Variants in GARNL3 observed in about 807,000 individuals in gnomAD.
GARNL3 encodes the protein GTPase activating Rap/RanGAP domain like 3.
In GARNL3, 63 loss-of-function variants were observed where a neutral mutation model predicts 125.0. That is an observed-to-expected ratio of 0.50 (90% CI 0.41 to 0.62). The LOEUF (loss-of-function observed/expected upper bound fraction) is 0.62. GARNL3 is among the 20% of genes least tolerant of loss of function. The pLI is 0.00. For synonymous variants in GARNL3, 439 were observed against 457.5 expected, an observed-to-expected ratio of 0.96 and a Z score of 0.52; for missense variants, 994 against 1,244.0, an observed-to-expected ratio of 0.80 and a Z score of 3.02.
At chr9:127,257,091 G>A (rs779376211) in intron 2 of GARNL3, among the ~76,000 whole-genome samples, 69 of 152,294 alleles carry the variant, frequency 4.5e-4, no homozygotes, top group Non-Finnish European at 1.6e-4. Context: ...CCAAGTTGTT[G>A]GATACATTAG....
At chr9:127,361,201 C>T (rs1830977717) in intron 21 of GARNL3, among the ~76,000 whole-genome samples, 1 of 152,110 alleles carries the variant, frequency 6.6e-6, no homozygotes, top group Admixed American at 6.5e-5. Flanking sequence ...TTTTTACAAC[C>T]ACCATACATT....
chr9:127,283,645 G>A (rs922958524), intron 1 of GARNL3, among the ~76,000 whole-genome samples: 5 of 152,104 alleles, frequency 3.3e-5, no homozygotes, highest in Non-Finnish European at 7.4e-5. Flanking sequence ...ACCCCAGCTT[G>A]GGAGACAGAG....
chr9:127,322,097 G>A (rs758631632), intron 6 of GARNL3, among the ~76,000 whole-genome samples: 1 of 152,158 alleles, frequency 6.6e-6, no homozygotes, highest in Non-Finnish European at 1.5e-5. Context: ...TAAACTGTAA[G>A]CGACTTTAAG....
chr9:127,328,468 G>A (rs1829021195), intron 7 of GARNL3, among the ~76,000 whole-genome samples: 1 of 152,144 alleles, frequency 6.6e-6, no homozygotes, highest in Admixed American at 6.5e-5. Flanking sequence ...CTCCCGAAAG[G>A]TTAGCACTTT....
intron 1 of GARNL3, among the ~76,000 whole-genome samples, chr9:127,288,723 T>A (rs561472436): frequency 1.3e-5 from 2 of 152,206 alleles, no homozygotes; most frequent in Non-Finnish European, 2.9e-5. Context: ...TGTTCTAAAC[T>A]CAACAAATGA....
chr9:127,357,461 G>T, intron 21 of GARNL3, 84 bp downstream of exon 21: 1 of 1,336,826 alleles, frequency 7.5e-7, no homozygotes, highest in Non-Finnish European at 1.0e-6. Context: ...GCCATGATTT[G>T]GATTTCTTTA....
At chr9:127,357,506 G>A in intron 21 of GARNL3, 129 bp downstream of exon 21, 1 of 879,132 alleles carries the variant, frequency 1.1e-6, no homozygotes, top group Non-Finnish European at 1.7e-6. Flanking sequence ...AGTATTATGT[G>A]ATTCACTATT....
chr9:127,383,995 G>A (rs1037302719), intron 23 of GARNL3, among the ~76,000 whole-genome samples: 1 of 152,238 alleles, frequency 6.6e-6, no homozygotes, highest in Non-Finnish European at 1.5e-5. Flanking sequence ...GTCAGGACAT[G>A]AGCGGCGATG....
intron 1 of GARNL3, among the ~76,000 whole-genome samples, chr9:127,237,236 A>G (rs1418769862): frequency 1.3e-5 from 2 of 152,220 alleles, no homozygotes; most frequent in Non-Finnish European, 2.9e-5. Context: ...CTACAGACCC[A>G]TGCTGCCGAC....
At chr9:127,313,622 G>C in intron 4 of GARNL3, 63 bp downstream of exon 4, 1 of 1,069,758 alleles carries the variant, frequency 9.3e-7, no homozygotes, top group Non-Finnish European at 1.5e-6. Flanking sequence ...TAACCCCTGT[G>C]CTGTGGAACT....
chr9:127,315,663 T>TAA (rs368501115), intron 4 of GARNL3, among the ~76,000 whole-genome samples: 1 of 133,722 alleles, frequency 7.5e-6, no homozygotes, highest in Non-Finnish European at 1.6e-5. Flanking sequence ...GTAAGAAAGA[T>TAA]AAAAAAAAAA....
At chr9:127,225,806 C>CCTGGCGCCCGCGCCCCTCGCGCCCCTT (rs1285156773) in intron 1 of GARNL3, among the ~76,000 whole-genome samples, 2 of 3,304 alleles carry the variant, frequency 6.1e-4, no homozygotes, top group East Asian at 0.056. Context: ...CCGCGGCCCC[C>CCTGGCGCCCGCGCCCCTCGCGCCCCTT]GCGCCCCTCG....
At chr9:127,317,424 G>T (rs991326644) in intron 4 of GARNL3, among the ~76,000 whole-genome samples, 3 of 152,106 alleles carry the variant, frequency 2.0e-5, no homozygotes, top group Non-Finnish European at 4.4e-5. Context: ...TTGATGCTTG[G>T]CTCAGAGACC....
intron 4 of GARNL3, 42 bp downstream of exon 4, chr9:127,313,601 G>C: frequency 7.9e-7 from 1 of 1,266,078 alleles, no homozygotes; most frequent in Non-Finnish European, 1.2e-6. Context: ...TTATGCATCA[G>C]TTTCAGGAGA....
chr9:127,249,115 T>TG (rs2063355480), intron 2 of GARNL3, among the ~76,000 whole-genome samples: 1 of 88,022 alleles, frequency 1.1e-5, no homozygotes, highest in South Asian at 4.5e-4. Context: ...AAAAAGTGCT[T>TG]ACTATTTGTT....
intron 13 of GARNL3, among the ~76,000 whole-genome samples, chr9:127,341,961 A>G (rs1183032356): frequency 1.3e-5 from 2 of 152,138 alleles, no homozygotes; most frequent in Admixed American, 1.3e-4. Flanking sequence ...CGGAATTCCA[A>G]AGTGGATTGA....
At chr9:127,299,861 A>G (rs531617290) in intron 2 of GARNL3, among the ~76,000 whole-genome samples, 1 of 151,534 alleles carries the variant, frequency 6.6e-6, no homozygotes, top group Admixed American at 6.6e-5. Context: ...CACCGTGCCC[A>G]GCCAATTTTT....
chr9:127,225,093 T>C (rs1222133294), intron 1 of GARNL3: 1 of 63,650 alleles, frequency 1.6e-5, no homozygotes, highest in African/African-American at 6.2e-5. Context: ...CAGCGGAGGG[T>C]CTGGGCAGGC....
intron 4 of GARNL3, among the ~76,000 whole-genome samples, chr9:127,314,224 C>G (rs1331106504): frequency 2.6e-5 from 4 of 152,184 alleles, no homozygotes; most frequent in Non-Finnish European, 5.9e-5. Context: ...AGCTATAGGT[C>G]AGATGTGAGG....
Sources: gnomAD v4.1 joint callset for allele counts (sites outside exome capture counted in the v4.1 genomes callset) on GRCh38, gnomAD v4.1.1 for gene constraint, MANE v1.5 for transcripts, NCBI Gene and HGNC (gene_info 2026-07-23, HGNC 2026-07-21) for gene names.